The following STX8 variants were observed in gnomAD, a reference collection of about 807,000 sequenced individuals.
STX8 encodes syntaxin 8, also known as syntaxin-8.
A neutral mutation model predicts 37.5 loss-of-function variants in STX8; 23 were observed. That is an observed-to-expected ratio of 0.61 (90% CI 0.44 to 0.87). The LOEUF (loss-of-function observed/expected upper bound fraction) is 0.87, where lower values mean the gene tolerates loss of function less well. STX8 is among the 40% of genes least tolerant of loss of function. STX8 has a pLI of 0.00. For missense variants in STX8, 313 were observed against 284.7 expected (o/e 1.10, Z -0.71); for synonymous variants, 115 against 99.1 (o/e 1.16, Z -0.95).
chr17:9,432,586 C>T (rs1597668943), intron 6 of STX8, among the ~76,000 whole-genome samples: 2 of 152,284 alleles, frequency 1.3e-5, no homozygotes, highest in East Asian at 3.9e-4. Context: ...ATTTTAAATG[C>T]AGTCACCACA....
chr17:9,542,482 C>T (rs886709340), intron 4 of STX8, among the ~76,000 whole-genome samples: 3 of 151,872 alleles, frequency 2.0e-5, no homozygotes, highest in African/African-American at 7.3e-5. Context: ...TCGAGACCAT[C>T]CTAGCTAACA....
intron 6 of STX8, among the ~76,000 whole-genome samples, chr17:9,483,598 T>C (rs1016143120): frequency 2.0e-5 from 3 of 152,214 alleles, no homozygotes; most frequent in African/African-American, 4.8e-5. Context: ...AAGAGCCCCT[T>C]ACCATGGTAA....
rs545512434 is a variant in STX8 at position 9,460,294 on chromosome 17, G to A, written c.541+31535C>T. 3.9e-5 allele frequency among the ~76,000 whole-genome samples: 6 copies of A among 152,242 alleles called. No homozygotes were observed. The East Asian group carries it at 1.2e-3, about 29-fold the overall frequency. ...TCACAATATTTACTAGTAACTCTTGGATGTTACTATCACTCCCATTCCTTT... is the reference window on the plus strand; with the variant it reads ...TCACAATATTTACTAGTAACTCTTGAATGTTACTATCACTCCCATTCCTTT... On this transcript the variant is annotated intron_variant, in intron 6 of 7. Transcript: ENST00000306357.
At chr17:9,536,439 G>A (rs546278273) in intron 4 of STX8, among the ~76,000 whole-genome samples, 14 of 152,222 alleles carry the variant, frequency 9.2e-5, no homozygotes, top group African/African-American at 3.4e-4. Context: ...CCCTATTTAA[G>A]CCATTTTGAG....
chr17:9,565,951 T>C (rs1320664933), intron 2 of STX8, among the ~76,000 whole-genome samples: 3 of 152,056 alleles, frequency 2.0e-5, no homozygotes, highest in Non-Finnish European at 4.4e-5. Flanking sequence ...AAGCAAAAAT[T>C]GACAAATAGG....
chr17:9,517,051 T>C (rs1020845981), intron 4 of STX8, among the ~76,000 whole-genome samples: 1 of 152,232 alleles, frequency 6.6e-6, no homozygotes, highest in Non-Finnish European at 1.5e-5. Flanking sequence ...TTTCCTATTG[T>C]TGCAAATTGT....
At chr17:9,441,737 G>A (rs1405924619) in intron 6 of STX8, among the ~76,000 whole-genome samples, 8 of 142,866 alleles carry the variant, frequency 5.6e-5, no homozygotes, top group African/African-American at 1.0e-4. Context: ...GTGCAGTGGC[G>A]CGATCTCAGC....
At chr17:9,255,982 C>T (rs749118961) in intron 7 of STX8, among the ~76,000 whole-genome samples, 64 of 152,304 alleles carry the variant, frequency 4.2e-4, no homozygotes, top group Non-Finnish European at 7.1e-4. Context: ...AAGGATGTTT[C>T]GGAATGAGTA....
At chr17:9,523,440 G>C (rs993489434) in intron 4 of STX8, among the ~76,000 whole-genome samples, 2 of 150,804 alleles carry the variant, frequency 1.3e-5, no homozygotes, top group Non-Finnish European at 2.9e-5. Flanking sequence ...ATGCGCAAAA[G>C]TCAACAGAAC....
At chr17:9,422,802 C>G (rs1226002631) in intron 6 of STX8, among the ~76,000 whole-genome samples, 1 of 152,218 alleles carries the variant, frequency 6.6e-6, no homozygotes, top group Non-Finnish European at 1.5e-5. Flanking sequence ...TCGCTGACCC[C>G]TAGTTTATAC....
intron 6 of STX8, among the ~76,000 whole-genome samples, chr17:9,390,612 G>C (rs1912179917): frequency 1.3e-5 from 2 of 151,432 alleles, no homozygotes; most frequent in Non-Finnish European, 2.9e-5. Context: ...TGGATCACGA[G>C]GTCAGGAGTT....
At chr17:9,514,616 C>G (rs1039141466) in intron 4 of STX8, among the ~76,000 whole-genome samples, 3 of 151,978 alleles carry the variant, frequency 2.0e-5, no homozygotes, top group Non-Finnish European at 2.9e-5. Context: ...AAAAACAAAA[C>G]AAAAACAAAC....
At chr17:9,474,921 GA>G (rs1256463231) in intron 6 of STX8, among the ~76,000 whole-genome samples, 17 of 152,270 alleles carry the variant, frequency 1.1e-4, no homozygotes, top group African/African-American at 4.1e-4. Flanking sequence ...GCAGTGAGCT[GA>G]TATCATGCCA....
At position 9,573,089 on chromosome 17, in the gene STX8, C is replaced by G. The variant is rs867157987; in HGVS notation, c.17+2703G>C. Reference sequence around the variant, plus strand: ...TAAGCCCACCCCCAACACCCCCCCCCACCCCCGCAACCATCTGAACGGACC... The same window carrying G: ...TAAGCCCACCCCCAACACCCCCCCCGACCCCCGCAACCATCTGAACGGACC... On this transcript the variant is annotated intron_variant, in intron 1 of 7. Transcript: ENST00000306357. Among the ~76,000 whole-genome samples, 13 of 121,578 alleles carry G rather than the reference C, an allele frequency of 1.1e-4. 1 individual carries two copies. The highest frequency in any genetic ancestry group is 8.1e-4 in the East Asian group (3 of 3,682). The allele number at this position is 121,578 out of a possible 152,430, so 79.8% of individuals were successfully genotyped here.
At chr17:9,487,096 A>C (rs1328139992) in intron 6 of STX8, among the ~76,000 whole-genome samples, 1 of 152,164 alleles carries the variant, frequency 6.6e-6, no homozygotes, top group Non-Finnish European at 1.5e-5. Context: ...CTGGCATAGG[A>C]ACAGGGTAAT....
rs147820372 is a variant in STX8 at position 9,440,784 on chromosome 17, C to A, written c.541+51045G>T. The stretch of plus-strand genomic sequence containing the variant: ...AGGTGATCCACCCGCCTCGGCCTCC[C>A]AAAGTGCTGGGATTACAGGCGTGAG... On this transcript the variant is annotated intron_variant, in intron 6 of 7. Coordinates refer to ENST00000306357, the MANE Select transcript of STX8 (RefSeq NM_004853.3). 3.0e-3 allele frequency among the ~76,000 whole-genome samples: 460 copies of A among 152,256 alleles called. 5 individuals carry two copies. Among genetic ancestry groups the A allele is most frequent in the African/African-American group, 0.01 (423 of 41,534 alleles).
intron 7 of STX8, among the ~76,000 whole-genome samples, chr17:9,345,299 G>T (rs1235023683): frequency 1.3e-5 from 2 of 151,916 alleles, no homozygotes; most frequent in Admixed American, 1.3e-4. Context: ...ACAAGCATGC[G>T]CCACCACACC....
intron 7 of STX8, among the ~76,000 whole-genome samples, chr17:9,253,207 G>GGTGGGTGTGTGT (rs1555582914): frequency 1.4e-5 from 2 of 140,940 alleles, no homozygotes; most frequent in African/African-American, 2.7e-5. Context: ...CAGGGGTAGG[G>GGTGGGTGTGTGT]GTGTGTGTGT....
intron 6 of STX8, among the ~76,000 whole-genome samples, chr17:9,434,944 G>C (rs1250209723): frequency 6.6e-6 from 1 of 152,148 alleles, no homozygotes; most frequent in East Asian, 1.9e-4. Context: ...TGGCACTGCT[G>C]GGAGTGCCTT....
Sources: allele counts gnomAD v4.1 joint callset (sites outside exome capture counted in the v4.1 genomes callset), GRCh38; gene constraint gnomAD v4.1.1; transcripts MANE v1.5; gene names NCBI Gene and HGNC (gene_info 2026-07-23, HGNC 2026-07-21).